SGCZ: variants seen among roughly 807,000 people sequenced by gnomAD.
SGCZ encodes sarcoglycan zeta.
Under a neutral mutation model 41.3 loss-of-function variants are expected in SGCZ, and 40 were observed. The observed-to-expected ratio is 0.97, with a 90% CI of 0.75 to 1.26. The LOEUF (loss-of-function observed/expected upper bound fraction) is 1.26. Ranked by LOEUF, SGCZ falls within the 50% of genes most tolerant of loss-of-function variation. SGCZ has a pLI of 0.00. For synonymous variants in SGCZ, 206 were observed against 137.5 expected, an observed-to-expected ratio of 1.50 and a Z score of -3.49; for missense variants, 552 against 369.8, an observed-to-expected ratio of 1.49 and a Z score of -4.04.
chr8:14,729,830 A>T (rs1276301150), intron 1 of SGCZ, among the ~76,000 whole-genome samples: 2 of 152,214 alleles, frequency 1.3e-5, no homozygotes, highest in African/African-American at 2.4e-5. Flanking sequence ...CACACCTGTA[A>T]TCCTGGCAGT....
At chr8:14,786,352 T>C (rs549203207) in intron 1 of SGCZ, among the ~76,000 whole-genome samples, 1 of 152,286 alleles carries the variant, frequency 6.6e-6, no homozygotes, top group Non-Finnish European at 1.5e-5. Flanking sequence ...GGAATTAGTA[T>C]GTCCTGTATA....
intron 1 of SGCZ, among the ~76,000 whole-genome samples, chr8:14,771,714 C>T (rs1234027698): frequency 3.3e-5 from 5 of 151,892 alleles, no homozygotes; most frequent in Non-Finnish European, 5.9e-5. Flanking sequence ...GTTCTCTTCA[C>T]GAAGATAAGA....
intron 1 of SGCZ, among the ~76,000 whole-genome samples, chr8:15,130,612 G>A (rs554580193): frequency 2.0e-5 from 3 of 152,218 alleles, no homozygotes; most frequent in South Asian, 2.1e-4. Flanking sequence ...ATTATCACTC[G>A]TTTATTTACT....
intron 1 of SGCZ, among the ~76,000 whole-genome samples, chr8:15,227,301 A>G (rs73524822): frequency 0.02 from 3,064 of 152,340 alleles, 95 homozygotes; most frequent in African/African-American, 0.069. Context: ...CAAACGAGCT[A>G]TTAAATGATT....
At chr8:14,395,343 C>G (rs1183792518) in intron 2 of SGCZ, among the ~76,000 whole-genome samples, 17 of 152,074 alleles carry the variant, frequency 1.1e-4, no homozygotes. Context: ...GAATAGAATT[C>G]AGTGTTTATC....
chr8:14,158,211 C>A lies in SGCZ; in HGVS notation c.547+6369G>T, dbSNP rs530623342. ...TTCATACTTTGTACAGTACAGTAGG[C>A]AGAATAACCTCTTTTGTCCTGCCAA... On this transcript the variant is annotated intron_variant, in intron 5 of 7. Transcript: ENST00000382080. 4.6e-5 allele frequency among the ~76,000 whole-genome samples: 7 copies of A among 152,082 alleles called. No individual in the cohort carries two copies. The South Asian group carries it at 6.2e-4, about 14-fold the overall frequency.
intron 2 of SGCZ, among the ~76,000 whole-genome samples, chr8:14,347,446 A>G (rs1358992718): frequency 2.0e-5 from 3 of 152,078 alleles, no homozygotes; most frequent in Non-Finnish European, 4.4e-5. Context: ...ACAGGAAAAA[A>G]GTTATGTTCT....
intron 5 of SGCZ, among the ~76,000 whole-genome samples, chr8:14,125,452 C>T (rs187113251): frequency 2.0e-5 from 3 of 149,426 alleles, no homozygotes; most frequent in East Asian, 3.9e-4. Context: ...CGCAGTGAGC[C>T]GAGATCACGC....
intron 1 of SGCZ, among the ~76,000 whole-genome samples, chr8:14,734,599 G>A (rs1798971454): frequency 6.6e-6 from 1 of 151,938 alleles, no homozygotes; most frequent in African/African-American, 2.4e-5. Context: ...GGAATATTGA[G>A]GAAACAATAA....
chr8:14,644,342 A>C (rs558119334), intron 1 of SGCZ, among the ~76,000 whole-genome samples: 1 of 151,906 alleles, frequency 6.6e-6, no homozygotes, highest in South Asian at 2.1e-4. Context: ...GAAATTCTGG[A>C]TCAAGGCTGA....
chr8:15,164,995 A>G (rs114413839), intron 1 of SGCZ, among the ~76,000 whole-genome samples: 8,733 of 152,208 alleles, frequency 0.057, 801 homozygotes, highest in African/African-American at 0.2. Flanking sequence ...ATGTGTGTCA[A>G]AAGAGCTCTA....
intron 1 of SGCZ, among the ~76,000 whole-genome samples, chr8:14,939,369 A>G (rs552824383): frequency 2.0e-5 from 3 of 152,218 alleles, no homozygotes; most frequent in Non-Finnish European, 2.9e-5. Flanking sequence ...TCTTCAAAAC[A>G]TGGTCAGGAT....
At position 14,479,731 on chromosome 8, in the gene SGCZ, C is replaced by CTTTTTTTTTTTTTTTTTTTTTTT. The variant is rs529812029; in HGVS notation, c.234+74978_234+75000dup. Reference sequence around the variant, plus strand: ...GTCGCATACCTCCAGAATTCTACTTCTTTTTTTTTTTTTTTTTTTTTTTTT... The same window carrying CTTTTTTTTTTTTTTTTTTTTTTT: ...GTCGCATACCTCCAGAATTCTACTTCTTTTTTTTTTTTTTTTTTTTTTTTTTTTTTTTTTTTTTTTTTTTTTTT... On this transcript the variant is annotated intron_variant, in intron 2 of 7. Transcript: ENST00000382080. Among the ~76,000 whole-genome samples the CTTTTTTTTTTTTTTTTTTTTTTT allele has an allele frequency of 3.4e-4, 18 of 52,964 alleles. 1 individual carries two copies. Among genetic ancestry groups the CTTTTTTTTTTTTTTTTTTTTTTT allele is most frequent in the East Asian group, 9.7e-4 (1 of 1,036 alleles). The allele number at this position is 52,964 out of a possible 152,430, so 34.7% of individuals were successfully genotyped here.
At chr8:15,095,169 A>C (rs557916768) in intron 1 of SGCZ, among the ~76,000 whole-genome samples, 1 of 152,086 alleles carries the variant, frequency 6.6e-6, no homozygotes, top group Non-Finnish European at 1.5e-5. Flanking sequence ...CGTGATCTCA[A>C]CTCACTGCAA....
At chr8:14,526,004 T>C (rs560160827) in intron 2 of SGCZ, among the ~76,000 whole-genome samples, 5 of 152,132 alleles carry the variant, frequency 3.3e-5, no homozygotes, top group Non-Finnish European at 7.4e-5. Flanking sequence ...GTAGTAGTAT[T>C]AGGTTTCTGT....
chr8:14,644,086 G>C (rs1015487080), intron 1 of SGCZ, among the ~76,000 whole-genome samples: 14 of 151,786 alleles, frequency 9.2e-5, no homozygotes, highest in Non-Finnish European at 1.6e-4. Context: ...TTATGATCTA[G>C]CATACCTATC....
At position 14,800,590 on chromosome 8, in the gene SGCZ, G is replaced by C. The variant is rs117089391; in HGVS notation, c.40-245664C>G. Among the ~76,000 whole-genome samples, 3 of 152,196 alleles carry C rather than the reference G, an allele frequency of 2.0e-5. No homozygotes were observed. In the East Asian group the frequency reaches 5.8e-4, roughly 30 times the overall value. On this transcript the variant is annotated intron_variant, in intron 1 of 7. Coordinates refer to ENST00000382080, the MANE Select transcript of SGCZ (RefSeq NM_139167.4). ...CTTCCCCCATGCTGTTTTCCTGATAGAGTTCCCAGGAGATCTGGTTCTTTG... is the reference window on the plus strand; with the variant it reads ...CTTCCCCCATGCTGTTTTCCTGATACAGTTCCCAGGAGATCTGGTTCTTTG...
intron 1 of SGCZ, among the ~76,000 whole-genome samples, chr8:15,196,651 A>G (rs931267004): frequency 6.6e-6 from 1 of 152,056 alleles, no homozygotes; most frequent in Non-Finnish European, 1.5e-5. Context: ...TATTATTATT[A>G]TACTTTAAGT....
intron 2 of SGCZ, among the ~76,000 whole-genome samples, chr8:14,434,821 A>G (rs560425545): frequency 2.0e-5 from 3 of 152,164 alleles, no homozygotes; most frequent in African/African-American, 4.8e-5. Context: ...CCCAGCTACT[A>G]TGGAGCCTGA....
Sources: gnomAD v4.1 joint callset for allele counts (sites outside exome capture counted in the v4.1 genomes callset) on GRCh38, gnomAD v4.1.1 for gene constraint, MANE v1.5 for transcripts, NCBI Gene and HGNC (gene_info 2026-07-23, HGNC 2026-07-21) for gene names.